EPN1: variants seen among roughly 807,000 people sequenced by gnomAD.
EPN1 encodes epsin-1.
A neutral mutation model predicts 56.9 loss-of-function variants in EPN1; 25 were observed. The ratio of observed to expected loss-of-function variants is 0.44; its 90% CI spans 0.32 to 0.61. The LOEUF is 0.61. Ranked by LOEUF, EPN1 falls within the 20% of genes least tolerant of loss-of-function variation. EPN1 has a pLI of 0.05. For synonymous variants in EPN1, 411 were observed against 361.8 expected, an observed-to-expected ratio of 1.14 and a Z score of -1.54; for missense variants, 785 against 823.7, an observed-to-expected ratio of 0.95 and a Z score of 0.58.
At chr19:55,677,584 A>C in intron 1 of EPN1, 1 of 1,548,534 alleles carries the variant, frequency 6.5e-7, no homozygotes, top group East Asian at 2.4e-5. Flanking sequence ...TGAAAAAGGT[A>C]ATGTCCCTCT....
chr19:55,694,711 C>G lies in EPN1; in HGVS notation c.1265-15C>G, dbSNP rs781661936. 5.2e-6 allele frequency: 8 copies of G among 1,549,870 alleles called. No individual in the cohort carries two copies. The highest frequency in any genetic ancestry group is 5.0e-5 in the South Asian group (4 of 80,472). On this transcript the variant is annotated splice_polypyrimidine_tract_variant and intron_variant, in intron 9 of 10. Transcript: ENST00000270460. This position sits in a 1 kb window ranked among gnomAD's most constrained non-coding sequence, Gnocchi z 4.2. ...CTGTCTGCCCTGTCTGAGCCCCTCT[C>G]CCGGATCCTTCCAGGAGAGCTGGAG...
chr19:55,706,119 A>G lies in EPN1; in HGVS notation c.*10763A>G. 1 of 239,524 alleles carries G rather than the reference A, an allele frequency of 4.2e-6. No individual in the cohort carries two copies. Among genetic ancestry groups the G allele is most frequent in the Non-Finnish European group, 8.5e-6 (1 of 117,640 alleles). The allele number at this position is 239,524 out of a possible 1,614,324, so 14.8% of individuals were successfully genotyped here. ...CCAGATTCTCTGCATGTGCAGGTTT[A>G]TGAGACTGGAGAACTTTGATTTCTT... On this transcript the variant is annotated 3_prime_UTR_variant, in exon 11 of 11. Coordinates refer to ENST00000270460, the MANE Select transcript of EPN1 (RefSeq NM_001130072.2).
intron 1 of EPN1, among the ~76,000 whole-genome samples, chr19:55,675,965 C>T (rs372781906): frequency 7.9e-5 from 12 of 152,302 alleles, no homozygotes; most frequent in African/African-American, 2.9e-4. Flanking sequence ...TGCCCCTTTT[C>T]CCCAGTTTTC....
In EPN1 at chr19:55,689,351, A is replaced by T; in HGVS notation, c.658A>T (p.Ser220Cys). The T allele has an allele frequency of 1.9e-6, 3 of 1,551,504 alleles. No individual in the cohort carries two copies. Among genetic ancestry groups the T allele is most frequent in the Non-Finnish European group, 2.6e-6 (3 of 1,146,916 alleles). Reference protein sequence around the residue: ...DAQLQLALSLSREEHDKEERI... With the variant: ...DAQLQLALSLCREEHDKEERI... ...CCAGCTCCAGCTGGCCCTTAGTTTG[A>T]GCCGAGAAGAGCATGATAAGGTCAG... The change falls in exon 5 of 11, where the codon AGC becomes TGC. Residue 220 changes from serine (S) to cysteine (C), a missense_variant. This residue lies in a region of EPN1 where 650 missense variants were observed against 605.0 expected (regional missense o/e 1.07). Transcript: ENST00000270460. The surrounding 1 kb of genome is among the most constrained non-coding windows in gnomAD (Gnocchi z 5.7).
At position 55,695,197 on chromosome 19, in the gene EPN1, T is replaced by C; in HGVS notation, c.1572T>C (p.Pro524=). 1 of 1,613,500 alleles carries C rather than the reference T, an allele frequency of 6.2e-7. No homozygotes were observed. The change falls in exon 11 of 11, where the codon CCT becomes CCC. Residue 524 remains proline (P), a synonymous_variant. Transcript: ENST00000270460. This position sits in a 1 kb window ranked among gnomAD's most constrained non-coding sequence, Gnocchi z 4.4. ...TCACCAACCCCTTCCAGCCCGCGCC[T>C]CCCGCGACGCTCACCCTGAACCAGC... ...PSVTNPFQPA[P]PATLTLNQLR...
chr19:55,688,657 G>A (rs1042436754), intron 3 of EPN1, among the ~76,000 whole-genome samples: 4 of 152,010 alleles, frequency 2.6e-5, no homozygotes, highest in African/African-American at 4.8e-5. Flanking sequence ...GGCCCCTCCC[G>A]TGGGTGGGGC....
Position 55,689,150 on chromosome 19 carries a change from G to A in EPN1, c.604-147G>A, listed in dbSNP as rs1986366801. ...AGTCCTGCCTCATCCTCACCCCGCC[G>A]TCCCTCTGCGTGTCACTCTCTGCCT... On this transcript the variant is annotated intron_variant, in intron 4 of 10. Transcript: ENST00000270460. The surrounding 1 kb of genome is among the most constrained non-coding windows in gnomAD (Gnocchi z 5.7). 5 of 1,165,672 alleles carry A rather than the reference G, an allele frequency of 4.3e-6. No homozygotes were observed. Among genetic ancestry groups the A allele is most frequent in the African/African-American group, 3.1e-5 (2 of 65,236 alleles). The allele number at this position is 1,165,672 out of a possible 1,614,324, so 72.2% of individuals were successfully genotyped here.
At position 55,706,236 on chromosome 19, in the gene EPN1, T is replaced by C. The variant is rs1987401722; in HGVS notation, c.*10880T>C. The C allele has an allele frequency of 1.3e-5, 2 of 153,034 alleles. No individual in the cohort carries two copies. The highest frequency in any genetic ancestry group is 2.9e-5 in the Non-Finnish European group (2 of 69,544). The allele number at this position is 153,034 out of a possible 1,614,324, so 9.5% of individuals were successfully genotyped here. On this transcript the variant is annotated 3_prime_UTR_variant, in exon 11 of 11. Coordinates refer to ENST00000270460, the MANE Select transcript of EPN1 (RefSeq NM_001130072.2). ...TTCTTTCTTCCTTTCCTCCTCTTTC[T>C]TCTCCTTTTTCCTCCTCTTTTCTTC... is the stretch of plus-strand genomic sequence containing the variant.
chr19:55,681,956 G>A (rs911440186), intron 2 of EPN1, among the ~76,000 whole-genome samples: 1 of 151,972 alleles, frequency 6.6e-6, no homozygotes, highest in Admixed American at 6.6e-5. Flanking sequence ...CACCATGCCC[G>A]GCTAATTTTA....
intron 9 of EPN1, 104 bp downstream of exon 9, chr19:55,693,141 T>C: frequency 8.7e-7 from 1 of 1,147,416 alleles, no homozygotes; most frequent in Admixed American, 1.9e-5. Context: ...CAGGGCCGGC[T>C]GGACTTAGGG....
intron 3 of EPN1, 89 bp from the exon 4 acceptor site, chr19:55,688,781 A>G (rs1045649079): frequency 8.4e-5 from 129 of 1,529,342 alleles, no homozygotes; most frequent in Non-Finnish European, 4.0e-5. Flanking sequence ...GTGGGGTTGG[A>G]CACAGAAGCC....
At chr19:55,681,604 GA>G (rs1361911955) in intron 2 of EPN1, among the ~76,000 whole-genome samples, 1 of 152,212 alleles carries the variant, frequency 6.6e-6, no homozygotes, top group Admixed American at 6.5e-5. Context: ...TATATGGCCT[GA>G]AAAACTGAAA....
intron 9 of EPN1, 40 bp downstream of exon 9, chr19:55,693,077 C>T (rs1174135142): frequency 6.3e-7 from 1 of 1,577,500 alleles, no homozygotes; most frequent in Admixed American, 1.7e-5. Context: ...CGAGAGGGAG[C>T]CTCCCCTAGC....
chr19:55,685,265 G>A, intron 2 of EPN1, 131 bp from the exon 3 acceptor site: 1 of 1,122,616 alleles, frequency 8.9e-7, no homozygotes, highest in African/African-American at 1.5e-5. Context: ...ACAGATGTGT[G>A]TCCACCCACT....
chr19:55,695,674 T>G lies in EPN1; in HGVS notation c.*318T>G. 17 of 367,028 alleles carry G rather than the reference T, an allele frequency of 4.6e-5. No individual in the cohort carries two copies. Among genetic ancestry groups the G allele is most frequent in the Non-Finnish European group, 6.0e-5 (12 of 200,432 alleles). The allele number at this position is 367,028 out of a possible 1,614,324, so 22.7% of individuals were successfully genotyped here. A position where few individuals can be genotyped will look rare whatever the true frequency, so the allele number is the denominator to read the frequency against. On this transcript the variant is annotated 3_prime_UTR_variant, in exon 11 of 11. Transcript: ENST00000270460. The surrounding 1 kb of genome is among the most constrained non-coding windows in gnomAD (Gnocchi z 4.4). Reference sequence around the variant, plus strand: ...CCCAGTCAGTGTTTGAGCCTCCTCGTTCCCCTCACGCACCCGCTCACGCAC... The same window carrying G: ...CCCAGTCAGTGTTTGAGCCTCCTCGGTCCCCTCACGCACCCGCTCACGCAC...
At position 55,700,279 on chromosome 19, in the gene EPN1, ATTAT is replaced by A. The variant is rs1303155602; in HGVS notation, c.*4930_*4933del. 2 of 143,700 alleles carry A rather than the reference ATTAT, an allele frequency of 1.4e-5. No homozygotes were observed. Among genetic ancestry groups the A allele is most frequent in the Non-Finnish European group, 3.0e-5 (2 of 66,568 alleles). 8.9% of individuals were successfully genotyped at this position (143,700 alleles called of 1,614,324 possible). A position where few individuals can be genotyped will look rare whatever the true frequency, so the allele number is the denominator to read the frequency against. Reference sequence around the variant, plus strand: ...ATACAAACTTCCTTTCCTTATTATTATTATTTATTTTTTTTTTGAGATGGAGTCT... The same window carrying A: ...ATACAAACTTCCTTTCCTTATTATTATTATTTTTTTTTTGAGATGGAGTCT... On this transcript the variant is annotated 3_prime_UTR_variant, in exon 11 of 11. Coordinates refer to ENST00000270460, the MANE Select transcript of EPN1 (RefSeq NM_001130072.2).
chr19:55,678,921 T>C, intron 2 of EPN1, 66 bp downstream of exon 2: 1 of 1,124,438 alleles, frequency 8.9e-7, no homozygotes, highest in Non-Finnish European at 1.3e-6. Context: ...GAGCCCGTGT[T>C]GTGCACCCTG....
At chr19:55,692,148 A>G in intron 7 of EPN1, 91 bp downstream of exon 7, 1 of 1,278,628 alleles carries the variant, frequency 7.8e-7, no homozygotes, top group Non-Finnish European at 1.0e-6. Context: ...AGATCGAGCC[A>G]GTGGCGCCGG....
intron 3 of EPN1, 50 bp downstream of exon 3, chr19:55,685,695 A>C: frequency 1.3e-6 from 2 of 1,544,238 alleles, no homozygotes; most frequent in Non-Finnish European, 1.7e-6. Context: ...TCCTCCGCCT[A>C]CTGCGGCTCC....
Sources: gnomAD v4.1 joint callset for allele counts (sites outside exome capture counted in the v4.1 genomes callset) on GRCh38, gnomAD v4.1.1 for gene constraint, gnomAD v4.1.1 regional missense constraint, Gnocchi (gnomAD v3.1) non-coding constraint, MANE v1.5 for transcripts, NCBI Gene and HGNC (gene_info 2026-07-23, HGNC 2026-07-21) for gene names.